Variants in PTP4A1 observed in about 807,000 individuals in gnomAD.
The protein encoded by PTP4A1 is protein tyrosine phosphatase type IVA 1.
A neutral mutation model predicts 20.5 loss-of-function variants in PTP4A1; 9 were observed. That is an observed-to-expected ratio of 0.44 (90% CI 0.26 to 0.77). The LOEUF (loss-of-function observed/expected upper bound fraction) is 0.77. Among genes scored for constraint, PTP4A1 ranks in the 30% least tolerant of loss-of-function variants. The pLI is 0.19. For synonymous variants in PTP4A1, 78 were observed against 67.4 expected (o/e 1.16, Z -0.77); for missense variants, 137 against 218.8 (o/e 0.63, Z 2.36).
At chr6:63,574,627 T>G (rs1777732967) in intron 1 of PTP4A1, among the ~76,000 whole-genome samples, 1 of 152,200 alleles carries the variant, frequency 6.6e-6, no homozygotes, top group African/African-American at 2.4e-5. Context: ...GACAGGAGTT[T>G]TAGCTATTAA....
intron 1 of PTP4A1, among the ~76,000 whole-genome samples, chr6:63,574,030 A>T (rs1047867905): frequency 6.6e-6 from 1 of 152,100 alleles, no homozygotes; most frequent in Non-Finnish European, 1.5e-5. Context: ...CTACCAGTCC[A>T]CGAGTATTAA....
In PTP4A1 at chr6:63,583,053, G is replaced by A. The variant is rs1474935198; in HGVS notation, c.*2879G>A. The A allele has an allele frequency of 6.6e-6, 1 of 152,066 alleles. No homozygotes were observed. The highest frequency in any genetic ancestry group is 1.5e-5 in the Non-Finnish European group (1 of 67,994). The allele number at this position is 152,066 out of a possible 1,614,324, so 9.4% of individuals were successfully genotyped here. On this transcript the variant is annotated 3_prime_UTR_variant, in exon 6 of 6. Transcript: ENST00000626021. ...GCCAGGCATTTAAGAATATGGCAAA[G>A]AACATAAAAGATGGTGTCACCAGAT...
At chr6:63,566,357 G>A (rs1188223589) in intron 3 of PTP4A1, among the ~76,000 whole-genome samples, 1 of 152,184 alleles carries the variant, frequency 6.6e-6, no homozygotes, top group Non-Finnish European at 1.5e-5. Context: ...TGAGGGGATG[G>A]AGTTTACATG....
intron 2 of PTP4A1, among the ~76,000 whole-genome samples, chr6:63,543,276 C>T (rs564290593): frequency 4.0e-4 from 61 of 152,288 alleles, no homozygotes; most frequent in African/African-American, 1.3e-3. Context: ...ATCATTCAGA[C>T]GTCAACTAAA....
chr6:63,520,397 C>T (rs890397378), upstream of PTP4A1, among the ~76,000 whole-genome samples: 6 of 152,032 alleles, frequency 3.9e-5, no homozygotes, highest in African/African-American at 7.2e-5. Context: ...GAGACTGAGG[C>T]GGGCGGATCA....
intron 2 of PTP4A1, among the ~76,000 whole-genome samples, chr6:63,550,124 A>C (rs1203801818): frequency 6.6e-6 from 1 of 152,214 alleles, no homozygotes; most frequent in Non-Finnish European, 1.5e-5. Context: ...AAATTTTAAA[A>C]GAAAAACTTT....
chr6:63,583,539 TTATA>T lies in PTP4A1; in HGVS notation c.*3371_*3374del, dbSNP rs937849158. The T allele has an allele frequency of 4.6e-5, 7 of 152,210 alleles. No individual in the cohort carries two copies. Among genetic ancestry groups the T allele is most frequent in the African/African-American group, 1.7e-4 (7 of 41,444 alleles). 9.4% of individuals were successfully genotyped at this position (152,210 alleles called of 1,614,324 possible). Reference sequence around the variant, plus strand: ...GAAAGGATTGATGGTGATTTTATAATTATATATATTGCCGCAGTAACCAGTTAAT... The same window carrying T: ...GAAAGGATTGATGGTGATTTTATAATTATATTGCCGCAGTAACCAGTTAAT... On this transcript the variant is annotated 3_prime_UTR_variant, in exon 6 of 6. Coordinates refer to ENST00000626021, the MANE Select transcript of PTP4A1 (RefSeq NM_003463.5).
chr6:63,519,078 G>T (rs984466882), upstream of PTP4A1, among the ~76,000 whole-genome samples: 1 of 152,168 alleles, frequency 6.6e-6, no homozygotes, highest in Non-Finnish European at 1.5e-5. Context: ...ACTTTGAGAG[G>T]CCAAGGCGGG....
chr6:63,579,036 A>C lies in PTP4A1; in HGVS notation c.329+8A>C, dbSNP rs756940786. The C allele has an allele frequency of 6.4e-7, 1 of 1,563,560 alleles. No homozygotes were observed. The highest frequency in any genetic ancestry group is 1.2e-5 in the South Asian group (1 of 81,490). Reference sequence around the variant, plus strand: ...CGTTGCAGGCCTTGGGAGGTAAATGAATTTATCAATTTGATTCTAGGTAAA... The same window carrying C: ...CGTTGCAGGCCTTGGGAGGTAAATGCATTTATCAATTTGATTCTAGGTAAA... On this transcript the variant is annotated splice_region_variant and intron_variant, in intron 4 of 5. Coordinates refer to ENST00000626021, the MANE Select transcript of PTP4A1 (RefSeq NM_003463.5).
upstream of PTP4A1, chr6:63,571,524 G>A (rs1283885581): frequency 6.6e-6 from 1 of 152,162 alleles, no homozygotes; most frequent in Non-Finnish European, 1.5e-5. Flanking sequence ...CAGTAAAAGA[G>A]GACTGAAAAC....
At chr6:63,578,401 A>G (rs1325476292) in intron 2 of PTP4A1, 36 bp from the exon 3 acceptor site, 1 of 1,588,518 alleles carries the variant, frequency 6.3e-7, no homozygotes, top group Non-Finnish European at 8.5e-7. Flanking sequence ...TGATGTGGTT[A>G]AACATTAAGA....
intron 2 of PTP4A1, among the ~76,000 whole-genome samples, chr6:63,547,585 G>A (rs1246200924): frequency 2.2e-5 from 3 of 136,280 alleles, no homozygotes; most frequent in South Asian, 2.4e-4. Flanking sequence ...GGCTCACTGC[G>A]AGCTCCGCCT....
intron 2 of PTP4A1, chr6:63,548,587 C>T (rs1776302740): frequency 3.3e-6 from 1 of 300,426 alleles, no homozygotes; most frequent in African/African-American, 2.2e-5. Flanking sequence ...TACCAGGGTA[C>T]ATGGTAGAAA....
At chr6:63,518,147 C>A (rs1231052860), upstream of PTP4A1, among the ~76,000 whole-genome samples, 1 of 144,468 alleles carries the variant, frequency 6.9e-6, no homozygotes, top group Admixed American at 6.8e-5. Flanking sequence ...CAGTGAGACT[C>A]CGTCTCCAAA....
At chr6:63,562,762 G>A (rs1263152568) in intron 3 of PTP4A1, among the ~76,000 whole-genome samples, 2 of 152,060 alleles carry the variant, frequency 1.3e-5, no homozygotes, top group South Asian at 2.1e-4. Context: ...TAGGAGTCCC[G>A]CTGCTATATT....
chr6:63,521,622 T>C (rs796229660), upstream of PTP4A1: 43 of 152,306 alleles, frequency 2.8e-4, no homozygotes, highest in African/African-American at 1.0e-3. Context: ...TAGCATATAT[T>C]TTAGAAACTG....
chr6:63,526,837 T>TATATATA lies in PTP4A1; in HGVS notation c.-905-982_-905-981insATATATA, dbSNP rs1562111525. Among the ~76,000 whole-genome samples, 180 of 87,612 alleles carry TATATATA rather than the reference T, an allele frequency of 2.1e-3. 1 individual carries two copies. Among genetic ancestry groups the TATATATA allele is most frequent in the African/African-American group, 6.1e-3 (131 of 21,542 alleles). The allele number at this position is 87,612 out of a possible 152,430, so 57.5% of individuals were successfully genotyped here. On this transcript the variant is annotated intron_variant, in intron 1 of 3. Transcript: ENST00000639568. Reference sequence around the variant, plus strand: ...TATATATATATATATATATATATATTTATTTATTTATTCTTCTTAAGGGCT... The same window carrying TATATATA: ...TATATATATATATATATATATATATTATATATATATTTATTTATTCTTCTTAAGGGCT...
At chr6:63,529,286 A>G (rs942741360) in intron 2 of PTP4A1, among the ~76,000 whole-genome samples, 9 of 151,688 alleles carry the variant, frequency 5.9e-5, no homozygotes, top group African/African-American at 2.2e-4. Context: ...TCAGAAAAAT[A>G]ATACCTAGTC....
intron 2 of PTP4A1, among the ~76,000 whole-genome samples, chr6:63,532,306 ATTAAG>A (rs1775506790): frequency 6.6e-6 from 1 of 152,152 alleles, no homozygotes; most frequent in African/African-American, 2.4e-5. Flanking sequence ...GTAAATCTCT[ATTAAG>A]TTGTTTTTTG....
Sources: gnomAD v4.1 joint callset for allele counts (sites outside exome capture counted in the v4.1 genomes callset) on GRCh38, gnomAD v4.1.1 for gene constraint, MANE v1.5 for transcripts, NCBI Gene and HGNC (gene_info 2026-07-23, HGNC 2026-07-21) for gene names.